The following CKM variants were observed in gnomAD, a reference collection of about 807,000 sequenced individuals.
CKM encodes creatine kinase, M-type.
Under a neutral mutation model 35.4 loss-of-function variants are expected in CKM, and 28 were observed. The ratio of observed to expected loss-of-function variants is 0.79; its 90% confidence interval spans 0.59 to 1.08. The LOEUF is 1.08. Ranked by LOEUF, CKM falls within the 50% of genes least tolerant of loss-of-function variation. The probability of loss-of-function intolerance (pLI) is 0.00; values close to 1 mark genes in which losing one functional copy is unlikely to be tolerated. For synonymous variants in CKM, 215 were observed against 204.4 expected, an observed-to-expected ratio of 1.05 and a Z score of -0.44; for missense variants, 484 against 509.8, an observed-to-expected ratio of 0.95 and a Z score of 0.49.
chr19:45,321,046 G>A (rs539760406), intron 1 of CKM, among the ~76,000 whole-genome samples: 1 of 150,564 alleles, frequency 6.6e-6, no homozygotes, highest in East Asian at 1.9e-4. Context: ...AACTACAGGC[G>A]TGTGCCACAC....
intron 1 of CKM, 39 bp from the exon 2 acceptor site, chr19:45,319,770 T>C: frequency 6.7e-7 from 1 of 1,490,970 alleles, no homozygotes; most frequent in Non-Finnish European, 9.2e-7. Context: ...GAAGATTAGC[T>C]GGCATCTTTT....
At position 45,317,890 on chromosome 19, in the gene CKM, C is replaced by T; in HGVS notation, c.283G>A (p.Asp95Asn). ...FKELFDPIIS[D>N]RHGGYKPTDK... ...GTGGGTTTGTAGCCCCCGTGGCGAT[C>T]CGAGATGATGGGGTCAAAGAGTTCC... Residue 95 changes from aspartate to asparagine, a missense_variant, in exon 3 of 8, where the codon GAT becomes AAT. By Grantham distance (23) the Asp-to-Asn change is conservative. Coordinates refer to ENST00000221476, the MANE Select transcript of CKM (RefSeq NM_001824.5). The T allele has an allele frequency of 6.2e-7, 1 of 1,613,976 alleles. No individual in the cohort carries two copies. The highest frequency in any genetic ancestry group is 1.1e-5 in the South Asian group (1 of 91,064).
intron 6 of CKM, 81 bp downstream of exon 6, chr19:45,308,328 A>C: frequency 1.3e-6 from 2 of 1,533,134 alleles, no homozygotes; most frequent in South Asian, 1.1e-5. Context: ...GGCTTAGTAT[A>C]GGGGAAGGGG....
intron 5 of CKM, among the ~76,000 whole-genome samples, chr19:45,309,852 G>C (rs916937501): frequency 3.9e-5 from 6 of 152,118 alleles, no homozygotes; most frequent in Admixed American, 3.9e-4. Context: ...CTCAGAGTGA[G>C]AGTCCATCTC....
chr19:45,318,583 C>G (rs1336517345), intron 2 of CKM, among the ~76,000 whole-genome samples: 1 of 151,944 alleles, frequency 6.6e-6, no homozygotes, highest in Non-Finnish European at 1.5e-5. Context: ...AGCATCAGCA[C>G]CTCGGAAACA....
At chr19:45,322,034 C>T (rs767372458) in intron 1 of CKM, among the ~76,000 whole-genome samples, 2 of 152,050 alleles carry the variant, frequency 1.3e-5, no homozygotes, top group African/African-American at 2.4e-5. Context: ...TTCCGGGGCT[C>T]GGCTTGCACC....
Position 45,317,858 on chromosome 19 carries a change from C to T in CKM, c.315G>A (p.Lys105=). 2 of 1,614,006 alleles carry T rather than the reference C, an allele frequency of 1.2e-6. No homozygotes were observed. The highest frequency in any genetic ancestry group is 8.5e-7 in the Non-Finnish European group (1 of 1,180,024). The change falls in exon 3 of 8, where the codon AAG becomes AAA. Residue 105 remains lysine (K), a synonymous_variant. Coordinates refer to ENST00000221476, the MANE Select transcript of CKM (RefSeq NM_001824.5). The part of the protein sequence containing the change: ...DRHGGYKPTD[K]HKTDLNHENL... ...TTTCATGGTTGAGGTCAGTCTTGTG[C>T]TTGTCAGTGGGTTTGTAGCCCCCGT...
rs1971105315 is a variant in CKM, at chr19:45,311,085, T to A, written c.653+664A>T. ...GTGAGCCACCGCGCCTGGCTTTTTT[T>A]TTTTTTAATTTTTGTAGCGACGTGG... On this transcript the variant is annotated intron_variant, in intron 5 of 7. Transcript: ENST00000221476. Among the ~76,000 whole-genome samples the A allele has an allele frequency of 5.3e-5, 8 of 150,416 alleles. No individual in the cohort carries two copies. In the South Asian group the frequency reaches 1.7e-3, roughly 32 times the overall value.
intron 6 of CKM, 111 bp downstream of exon 6, chr19:45,308,289 GGCAGGGCCC>G (rs1451683243): frequency 3.2e-5 from 41 of 1,279,734 alleles, no homozygotes; most frequent in Non-Finnish European, 4.4e-5. Context: ...AGGTCCGGGG[GGCAGGGCCC>G]TGGAAAATGG....
At chr19:45,319,236 A>T (rs943278213) in intron 2 of CKM, among the ~76,000 whole-genome samples, 1 of 152,152 alleles carries the variant, frequency 6.6e-6, no homozygotes, top group Non-Finnish European at 1.5e-5. Context: ...TGTTTTCACA[A>T]CGTGGGCGCC....
chr19:45,322,646 G>C (rs951327472), intron 1 of CKM, among the ~76,000 whole-genome samples, 175 bp downstream of exon 1: 2 of 152,166 alleles, frequency 1.3e-5, no homozygotes, highest in Admixed American at 1.3e-4. Flanking sequence ...CCTCACAGAT[G>C]GAGGGGCCTC....
intron 5 of CKM, among the ~76,000 whole-genome samples, chr19:45,310,756 T>C (rs986651593): frequency 1.8e-4 from 24 of 129,730 alleles, no homozygotes; most frequent in African/African-American, 6.6e-4. Flanking sequence ...CCATCACGCC[T>C]GGCTTTTTTT....
At chr19:45,316,797 T>G (rs1971162703) in intron 3 of CKM, among the ~76,000 whole-genome samples, 1 of 151,714 alleles carries the variant, frequency 6.6e-6, no homozygotes, top group South Asian at 2.1e-4. Flanking sequence ...AGAGTCTCGC[T>G]CTGTCACCCA....
At chr19:45,313,083 A>G (rs547798949) in intron 4 of CKM, among the ~76,000 whole-genome samples, 1 of 152,274 alleles carries the variant, frequency 6.6e-6, no homozygotes, top group East Asian at 1.9e-4. Flanking sequence ...ACATATTCAT[A>G]TAATATACAG....
At position 45,306,890 on chromosome 19, in the gene CKM, C is replaced by A. The variant is rs571861320; in HGVS notation, c.1006G>T (p.Val336Leu). 3.7e-6 allele frequency: 6 copies of A among 1,614,152 alleles called. No homozygotes were observed. The South Asian group carries it at 6.6e-5, about 18-fold the overall frequency. ...GAGCCCAGCCGATCAGCGTTGGACACGTCAAATACTGAGCCCACGGCAGCT... is the reference window on the plus strand; with the variant it reads ...GAGCCCAGCCGATCAGCGTTGGACAAGTCAAATACTGAGCCCACGGCAGCT... ...DTAAVGSVFD[V>L]SNADRLGSSE... Residue 336 changes from valine (V) to leucine (L), a missense_variant, in exon 8 of 8, where the codon GTG (valine) becomes TTG (leucine). Physicochemically the swap from Val to Leu is conservative, Grantham distance 32. Transcript: ENST00000221476. The surrounding 1 kb of genome is among the most constrained non-coding windows in gnomAD (Gnocchi z 4.5).
chr19:45,310,809 C>T (rs1243333567), intron 5 of CKM, among the ~76,000 whole-genome samples: 6 of 120,630 alleles, frequency 5.0e-5, no homozygotes, highest in East Asian at 2.7e-4. Context: ...AGTCTCCTGT[C>T]GCCCAGGCTG....
At position 45,311,758 on chromosome 19, in the gene CKM, CG is replaced by C. The variant is rs750692007; in HGVS notation, c.643del (p.Arg215ValfsTer15). ...CGGGGAGGGGCCTCACCAGATGCCA[CG>C]GGCGTCGGGCCAGTCGCGGGCCATG... ...SGMARDWPDARGIWHNDNKSF... is the reference protein window; with the variant it reads ...SGMARDWPDAXGIWHNDNKSF... On this transcript the variant is annotated frameshift_variant, in exon 5 of 8. Transcript: ENST00000221476. LOFTEE classifies it high-confidence loss of function. 1.3e-6 allele frequency: 2 copies of C among 1,583,298 alleles called. No individual in the cohort carries two copies. Among genetic ancestry groups the C allele is most frequent in the South Asian group, 1.1e-5 (1 of 87,898 alleles).
chr19:45,311,700 T>C (rs996494204), intron 5 of CKM, 49 bp downstream of exon 5: 3 of 1,491,780 alleles, frequency 2.0e-6, no homozygotes, highest in Middle Eastern at 2.0e-4. Context: ...GTTGCAGGAC[T>C]GGAGGAGGCT....
rs1192836734 is a variant in CKM at position 45,308,332 on chromosome 19, G to A, written c.777+77C>T. ...GGGTGGGGCAGGGCTTAGTATAGGG[G>A]AAGGGGCGGGGCCTCGGAAAGCAGG... On this transcript the variant is annotated intron_variant, in intron 6 of 7. Transcript: ENST00000221476. 3.2e-6 allele frequency: 5 copies of A among 1,573,842 alleles called. No homozygotes were observed. The African/African-American group carries it at 5.4e-5, about 17-fold the overall frequency.
Sources: allele counts gnomAD v4.1 joint callset (sites outside exome capture counted in the v4.1 genomes callset), GRCh38; gene constraint gnomAD v4.1.1; non-coding constraint Gnocchi (gnomAD v3.1); transcripts MANE v1.5; gene names NCBI Gene and HGNC (gene_info 2026-07-23, HGNC 2026-07-21).